The following GNAQ variants were observed in gnomAD, a reference collection of about 807,000 sequenced individuals.
GNAQ encodes G protein subunit alpha q, also known as guanine nucleotide-binding protein G(q) subunit alpha.
A neutral mutation model predicts 43.9 loss-of-function variants in GNAQ; 8 were observed. That is an observed-to-expected ratio of 0.18 (90% CI 0.11 to 0.33). The LOEUF is 0.33. Among genes scored for constraint, GNAQ ranks in the 10% least tolerant of loss-of-function variants. GNAQ has a pLI of 1.00. For missense variants in GNAQ, 158 were observed against 450.8 expected, an observed-to-expected ratio of 0.35 and a Z score of 5.88; for synonymous variants, 155 against 170.7, an observed-to-expected ratio of 0.91 and a Z score of 0.71.
intron 2 of GNAQ, among the ~76,000 whole-genome samples, chr9:77,914,616 T>G (rs1828864592): frequency 6.6e-6 from 1 of 151,958 alleles, no homozygotes; most frequent in South Asian, 2.1e-4. Context: ...GAGCCGAGAT[T>G]GTGCCATTGC....
intron 5 of GNAQ, among the ~76,000 whole-genome samples, chr9:77,750,321 C>G (rs1435464690): frequency 6.6e-6 from 1 of 151,932 alleles, no homozygotes; most frequent in African/African-American, 2.4e-5. Flanking sequence ...AATATGAAAA[C>G]CAAGCAAACA....
rs150725605 is a variant in GNAQ, at chr9:77,952,344, C to T, written c.137-29999G>A. 4.8e-3 allele frequency among the ~76,000 whole-genome samples: 717 copies of T among 148,736 alleles called. 8 individuals are homozygous for T. Among genetic ancestry groups the T allele is most frequent in the African/African-American group, 0.017 (684 of 40,662 alleles). Reference sequence around the variant, plus strand: ...ATTTTACCTTCAAAATTTTTCCTTGCGTATGTTGAATCCATAATATTAAAA... The same window carrying T: ...ATTTTACCTTCAAAATTTTTCCTTGTGTATGTTGAATCCATAATATTAAAA... On this transcript the variant is annotated intron_variant, in intron 1 of 6. Coordinates refer to ENST00000286548, the MANE Select transcript of GNAQ (RefSeq NM_002072.5).
intron 1 of GNAQ, among the ~76,000 whole-genome samples, chr9:77,923,329 A>G (rs12351687): frequency 0.013 from 2,002 of 152,242 alleles, 52 homozygotes; most frequent in African/African-American, 0.046. Context: ...CATTATATAG[A>G]AATTTATTGT....
intron 1 of GNAQ, among the ~76,000 whole-genome samples, chr9:78,018,265 T>C (rs569756170): frequency 6.6e-6 from 1 of 152,192 alleles, no homozygotes; most frequent in African/African-American, 2.4e-5. Flanking sequence ...GAAGTCTACA[T>C]AGCCACATAA....
At chr9:77,904,880 G>A (rs1828678322) in intron 2 of GNAQ, among the ~76,000 whole-genome samples, 2 of 151,652 alleles carry the variant, frequency 1.3e-5, no homozygotes, top group East Asian at 1.9e-4. Flanking sequence ...GGAGACACAC[G>A]AAGAAACACA....
At chr9:77,997,779 C>T (rs1166467818) in intron 1 of GNAQ, among the ~76,000 whole-genome samples, 2 of 152,158 alleles carry the variant, frequency 1.3e-5, no homozygotes, top group Non-Finnish European at 2.9e-5. Flanking sequence ...CACAGGCACC[C>T]GGCGGGCAAG....
At chr9:77,771,415 G>A (rs926602581) in intron 5 of GNAQ, among the ~76,000 whole-genome samples, 13 of 152,152 alleles carry the variant, frequency 8.5e-5, no homozygotes, top group South Asian at 2.1e-4. Flanking sequence ...GGAAGAGCAC[G>A]TTTAGTGTCA....
chr9:77,782,705 T>G (rs1379727051), intron 5 of GNAQ, among the ~76,000 whole-genome samples: 4 of 152,242 alleles, frequency 2.6e-5, no homozygotes, highest in Admixed American at 2.6e-4. Flanking sequence ...TAAATGTTTA[T>G]AGCTTCATTC....
In GNAQ at chr9:78,031,267, G is replaced by T. The variant is rs368811345; in HGVS notation, c.-32C>A. 21 of 1,464,314 alleles carry T rather than the reference G, an allele frequency of 1.4e-5. No homozygotes were observed. The highest frequency in any genetic ancestry group is 1.8e-5 in the Non-Finnish European group (20 of 1,094,502). 90.7% of individuals were successfully genotyped at this position (1,464,314 alleles called of 1,614,324 possible). A position where few individuals can be genotyped will look rare whatever the true frequency, so the allele number is the denominator to read the frequency against. On this transcript the variant is annotated 5_prime_UTR_variant, in exon 1 of 7. Coordinates refer to ENST00000286548, the MANE Select transcript of GNAQ (RefSeq NM_002072.5). ...AAAGTGCCTCCGCTGCAGCCCCGCC[G>T]GCACCCCCTGCTCACAGCGCGCACA...
intron 1 of GNAQ, among the ~76,000 whole-genome samples, chr9:77,973,027 A>C (rs906901420): frequency 3.5e-4 from 51 of 146,884 alleles, no homozygotes; most frequent in Admixed American, 8.1e-4. Flanking sequence ...AAAAAAAAAA[A>C]AACAAGACAT....
chr9:77,948,503 AAGG>A (rs1822932932), intron 1 of GNAQ, among the ~76,000 whole-genome samples: 1 of 152,132 alleles, frequency 6.6e-6, no homozygotes, highest in African/African-American at 2.4e-5. Flanking sequence ...GACACGGATG[AAGG>A]AGGACACAGA....
At chr9:77,773,330 TAACTTA>T (rs1260354025) in intron 5 of GNAQ, among the ~76,000 whole-genome samples, 3 of 152,240 alleles carry the variant, frequency 2.0e-5, no homozygotes, top group Non-Finnish European at 4.4e-5. Context: ...GTTATAACAC[TAACTTA>T]GCACCAACAG....
intron 1 of GNAQ, among the ~76,000 whole-genome samples, chr9:77,967,285 T>G (rs1013036463): frequency 3.9e-5 from 6 of 152,194 alleles, no homozygotes; most frequent in African/African-American, 1.4e-4. Context: ...CAGATCCAAC[T>G]GTGGCCACTC....
At chr9:77,757,469 C>T (rs965412016) in intron 5 of GNAQ, among the ~76,000 whole-genome samples, 2 of 152,332 alleles carry the variant, frequency 1.3e-5, no homozygotes, top group South Asian at 4.1e-4. Context: ...TCCTTCTTCC[C>T]CCTAGCTTAT....
intron 1 of GNAQ, among the ~76,000 whole-genome samples, chr9:77,926,711 C>A (rs1829077594): frequency 6.6e-6 from 1 of 152,146 alleles, no homozygotes; most frequent in African/African-American, 2.4e-5. Flanking sequence ...AAACCCTGCT[C>A]TTTCAATGGC....
chr9:77,986,694 T>C (rs901021016), intron 1 of GNAQ, among the ~76,000 whole-genome samples: 5 of 151,954 alleles, frequency 3.3e-5, no homozygotes, highest in Non-Finnish European at 7.4e-5. Flanking sequence ...TCTGTAGAGA[T>C]GAGGGTCTCA....
chr9:77,867,081 A>G (rs959480365), intron 2 of GNAQ, among the ~76,000 whole-genome samples: 3 of 152,086 alleles, frequency 2.0e-5, no homozygotes, highest in Non-Finnish European at 2.9e-5. Flanking sequence ...TCAGAGATCA[A>G]TTGCATCATC....
chr9:77,849,339 A>G (rs187554628), intron 2 of GNAQ, among the ~76,000 whole-genome samples: 4 of 152,196 alleles, frequency 2.6e-5, no homozygotes, highest in African/African-American at 4.8e-5. Flanking sequence ...TTTACCAGAG[A>G]TTTTATAGAC....
chr9:78,030,444 G>T, intron 1 of GNAQ: 1 of 459,370 alleles, frequency 2.2e-6, no homozygotes, highest in South Asian at 1.6e-5. Flanking sequence ...GACACATTTG[G>T]GCTTGCCCTC....
Sources: allele counts gnomAD v4.1 joint callset (sites outside exome capture counted in the v4.1 genomes callset), GRCh38; gene constraint gnomAD v4.1.1; transcripts MANE v1.5; gene names NCBI Gene and HGNC (gene_info 2026-07-23, HGNC 2026-07-21).